Variants in CYTIP observed in about 807,000 individuals in gnomAD.
CYTIP encodes cytohesin 1 interacting protein.
CYTIP carries 26 observed loss-of-function variants against 43.8 expected under a neutral mutation model. The observed-to-expected ratio is 0.59, with a 90% confidence interval of 0.44 to 0.82. CYTIP has a LOEUF of 0.82. CYTIP is among the 40% of genes least tolerant of loss of function. CYTIP has a pLI of 0.00. For synonymous variants in CYTIP, 162 were observed against 162.9 expected (o/e 0.99, Z 0.04); for missense variants, 426 against 443.1 (o/e 0.96, Z 0.35).
At chr2:157,418,141 T>C (rs180788120) in intron 7 of CYTIP, among the ~76,000 whole-genome samples, 3 of 152,346 alleles carry the variant, frequency 2.0e-5, no homozygotes, top group East Asian at 1.9e-4. Flanking sequence ...TGTGCAACCA[T>C]TCCAGCTTTA....
intron 1 of CYTIP, among the ~76,000 whole-genome samples, chr2:157,440,363 G>T (rs1363562272): frequency 6.6e-6 from 1 of 152,192 alleles, no homozygotes; most frequent in Non-Finnish European, 1.5e-5. Context: ...TCCAAGTAAG[G>T]TCTGATGGTG....
At chr2:157,443,148 T>G (rs1215692522) in intron 1 of CYTIP, among the ~76,000 whole-genome samples, 2 of 152,140 alleles carry the variant, frequency 1.3e-5, no homozygotes, top group African/African-American at 4.8e-5. Flanking sequence ...AAACACACAC[T>G]GAATGCCAGT....
chr2:157,427,229 A>G, intron 6 of CYTIP, 122 bp downstream of exon 6: 1 of 743,260 alleles, frequency 1.3e-6, no homozygotes, highest in Non-Finnish European at 2.2e-6. Context: ...ATAATTCAGC[A>G]GTTTAGATTC....
At chr2:157,436,064 A>G (rs974492888) in intron 1 of CYTIP, among the ~76,000 whole-genome samples, 1 of 152,164 alleles carries the variant, frequency 6.6e-6, no homozygotes, top group African/African-American at 2.4e-5. Flanking sequence ...CTTCTTACCA[A>G]TTTGCTGTAA....
intron 1 of CYTIP, among the ~76,000 whole-genome samples, chr2:157,443,621 G>GA (rs1180532988): frequency 5.3e-5 from 8 of 152,014 alleles, no homozygotes; most frequent in Non-Finnish European, 8.8e-5. Context: ...CTTCAAATAA[G>GA]AAAAACAATC....
At chr2:157,427,523 T>G in intron 5 of CYTIP, 103 bp from the exon 6 acceptor site, 1 of 751,438 alleles carries the variant, frequency 1.3e-6, no homozygotes, top group Non-Finnish European at 2.0e-6. Flanking sequence ...TTTGAGCACA[T>G]ACTATACTAA....
chr2:157,434,674 CAA>C, intron 2 of CYTIP, 22 bp downstream of exon 2: 2 of 1,575,182 alleles, frequency 1.3e-6, no homozygotes, highest in Non-Finnish European at 1.7e-6. Context: ...TTGGGAGAGA[CAA>C]AAAATAATTC....
At chr2:157,426,777 A>C (rs1685614793) in intron 6 of CYTIP, among the ~76,000 whole-genome samples, 1 of 152,170 alleles carries the variant, frequency 6.6e-6, no homozygotes, top group Non-Finnish European at 1.5e-5. Context: ...GATTTTTAAA[A>C]GCCTCAAAAA....
At chr2:157,443,455 C>A (rs1443374096) in intron 1 of CYTIP, among the ~76,000 whole-genome samples, 1 of 151,974 alleles carries the variant, frequency 6.6e-6, no homozygotes, top group African/African-American at 2.4e-5. Context: ...TGATTATGAA[C>A]TGAAATGACC....
At chr2:157,434,471 T>C (rs1469683082) in intron 2 of CYTIP, 47 bp from the exon 3 acceptor site, 7 of 1,414,064 alleles carry the variant, frequency 5.0e-6, no homozygotes, top group Non-Finnish European at 6.0e-6. Flanking sequence ...AATTAAAGTA[T>C]CACATTTGGC....
rs562200767 is a variant in CYTIP, at chr2:157,427,112, T to C, written c.546+239A>G. Among the ~76,000 whole-genome samples, 5 of 152,348 alleles carry C rather than the reference T, an allele frequency of 3.3e-5. No homozygotes were observed. The East Asian group carries it at 9.6e-4, about 29-fold the overall frequency. On this transcript the variant is annotated intron_variant, in intron 6 of 7. Transcript: ENST00000264192. The stretch of plus-strand genomic sequence containing the variant: ...GAGTTCTTCAAGTGGCATGCCTTCC[T>C]GTTGCCTTTCTGAGCCTCATAGACA...
At chr2:157,437,906 C>A (rs1302722325) in intron 1 of CYTIP, among the ~76,000 whole-genome samples, 1 of 152,114 alleles carries the variant, frequency 6.6e-6, no homozygotes, top group Non-Finnish European at 1.5e-5. Flanking sequence ...GAAAAGGGAA[C>A]TTTCATACAC....
intron 7 of CYTIP, among the ~76,000 whole-genome samples, 178 bp from the exon 8 acceptor site, chr2:157,416,321 A>G (rs531635889): frequency 2.6e-5 from 4 of 152,240 alleles, no homozygotes; most frequent in Non-Finnish European, 5.9e-5. Context: ...TAAACCTTAT[A>G]GTAGGGTTTC....
At chr2:157,434,838 C>CTG (rs1685783834) in intron 1 of CYTIP, 91 bp from the exon 2 acceptor site, 1 of 482,960 alleles carries the variant, frequency 2.1e-6, no homozygotes, top group Non-Finnish European at 4.0e-6. Flanking sequence ...CTCTCTCTCT[C>CTG]TCTCTCTCTC....
In CYTIP at chr2:157,418,595, A is replaced by C. The variant is rs1221506324; in HGVS notation, c.547-6T>G. ...CATTTTTGTTTCAAAGTTTGCTGTG[A>C]GATTAAAAAAAAAAAAAAAAAGTTT... On this transcript the variant is annotated splice_polypyrimidine_tract_variant and splice_region_variant and intron_variant, in intron 6 of 7. Coordinates refer to ENST00000264192, the MANE Select transcript of CYTIP (RefSeq NM_004288.5). The C allele has an allele frequency of 2.8e-6, 4 of 1,426,776 alleles. No individual in the cohort carries two copies. Among genetic ancestry groups the C allele is most frequent in the Non-Finnish European group, 3.7e-6 (4 of 1,075,822 alleles). The allele number at this position is 1,426,776 out of a possible 1,614,324, so 88.4% of individuals were successfully genotyped here.
At chr2:157,416,973 G>C (rs1181125327) in intron 7 of CYTIP, among the ~76,000 whole-genome samples, 1 of 152,022 alleles carries the variant, frequency 6.6e-6, no homozygotes, top group Non-Finnish European at 1.5e-5. Context: ...TTGTGTGTGT[G>C]TGTGTGTGAG....
chr2:157,442,309 T>C (rs369094385), intron 1 of CYTIP, among the ~76,000 whole-genome samples: 3 of 152,278 alleles, frequency 2.0e-5, no homozygotes, highest in East Asian at 1.9e-4. Flanking sequence ...TTTTACCTCC[T>C]ACACTTAGCA....
chr2:157,420,648 C>T (rs1254930901), intron 6 of CYTIP, among the ~76,000 whole-genome samples: 2 of 55,084 alleles, frequency 3.6e-5, no homozygotes, highest in East Asian at 1.4e-3. Context: ...AAGACCCTGC[C>T]ACAAAAAAAA....
At chr2:157,434,644 G>A (rs1685778424) in intron 2 of CYTIP, 54 bp downstream of exon 2, 5 of 1,353,144 alleles carry the variant, frequency 3.7e-6, no homozygotes, top group Non-Finnish European at 5.3e-6. Flanking sequence ...ACAGTCTGGA[G>A]AGCTATGTTC....
Sources: allele counts gnomAD v4.1 joint callset (sites outside exome capture counted in the v4.1 genomes callset), GRCh38; gene constraint gnomAD v4.1.1; transcripts MANE v1.5; gene names NCBI Gene and HGNC (gene_info 2026-07-23, HGNC 2026-07-21).